Variants in RASGRF2 observed in about 807,000 individuals in gnomAD.
RASGRF2 encodes the protein ras-specific guanine nucleotide-releasing factor 2.
RASGRF2 carries 76 observed loss-of-function variants against 151.0 expected under a neutral mutation model. The ratio of observed to expected loss-of-function variants is 0.50; its 90% CI spans 0.42 to 0.61. The LOEUF is 0.61. Among genes scored for constraint, RASGRF2 ranks in the 20% least tolerant of loss-of-function variants. RASGRF2 has a pLI of 0.00. For synonymous variants in RASGRF2, 504 were observed against 566.5 expected, an observed-to-expected ratio of 0.89 and a Z score of 1.57; for missense variants, 1,148 against 1,564.6, an observed-to-expected ratio of 0.73 and a Z score of 4.49.
chr5:81,164,519 A>G (rs1754462185), intron 17 of RASGRF2, among the ~76,000 whole-genome samples: 1 of 151,820 alleles, frequency 6.6e-6, no homozygotes, highest in South Asian at 2.1e-4. Flanking sequence ...TATTTATATT[A>G]ACCAAATATT....
intron 2 of RASGRF2, among the ~76,000 whole-genome samples, chr5:81,044,639 A>T (rs1750780754): frequency 6.6e-6 from 1 of 152,100 alleles, no homozygotes; most frequent in Non-Finnish European, 1.5e-5. Flanking sequence ...AGCTAATAGG[A>T]TATTATTATC....
In RASGRF2 at chr5:81,208,448, C is replaced by T. The variant is rs768751986; in HGVS notation, c.3156+10C>T. 1.3e-5 allele frequency: 20 copies of T among 1,594,834 alleles called. No individual in the cohort carries two copies. Among genetic ancestry groups the T allele is most frequent in the South Asian group, 7.7e-5 (7 of 90,788 alleles). ...CCAACACTTCAATGACGTGAGTAACCGTAACAGTAAAACCGTGGGCGTGTC... is the reference window on the plus strand; with the variant it reads ...CCAACACTTCAATGACGTGAGTAACTGTAACAGTAAAACCGTGGGCGTGTC... On this transcript the variant is annotated intron_variant, in intron 22 of 26. Transcript: ENST00000265080.
intron 17 of RASGRF2, among the ~76,000 whole-genome samples, chr5:81,152,912 A>G (rs1754170415): frequency 6.6e-6 from 1 of 152,174 alleles, no homozygotes; most frequent in Admixed American, 6.5e-5. Context: ...GATTTGGAGC[A>G]CAGTAGAATG....
rs574923662 is a variant in RASGRF2 at position 80,995,716 on chromosome 5, G to C, written c.288+34690G>C. Among the ~76,000 whole-genome samples, 80 of 88,970 alleles carry C rather than the reference G, an allele frequency of 9.0e-4. 1 individual carries two copies. The highest frequency in any genetic ancestry group is 0.014 in the Middle Eastern group (1 of 74). 58.4% of individuals were successfully genotyped at this position (88,970 alleles called of 152,430 possible). On this transcript the variant is annotated intron_variant, in intron 1 of 26. Coordinates refer to ENST00000265080, the MANE Select transcript of RASGRF2 (RefSeq NM_006909.3). ...CCCTTTTTTTTTTTTTTTTTGAGAT[G>C]GAGTCTCCGTCTGTCGCCCAGGCTG... is the stretch of plus-strand genomic sequence containing the variant.
intron 1 of RASGRF2, among the ~76,000 whole-genome samples, chr5:81,010,215 T>G (rs1218855172): frequency 6.6e-6 from 1 of 152,012 alleles, no homozygotes; most frequent in Non-Finnish European, 1.5e-5. Flanking sequence ...TAACAGTGGT[T>G]GTCTTTGGAT....
chr5:81,119,595 C>T lies in RASGRF2; in HGVS notation c.2471-4047C>T, dbSNP rs922624242. Among the ~76,000 whole-genome samples, 61 of 152,184 alleles carry T rather than the reference C, an allele frequency of 4.0e-4. 1 individual carries two copies. Among genetic ancestry groups the T allele is most frequent in the Admixed American group, 3.9e-4 (6 of 15,284 alleles). On this transcript the variant is annotated intron_variant, in intron 15 of 26. Transcript: ENST00000265080. ...GCTGGATCAAGCTCTTAGGGAAGGACACTGACACAGGCTTCGAAGACCTGT... is the reference window on the plus strand; with the variant it reads ...GCTGGATCAAGCTCTTAGGGAAGGATACTGACACAGGCTTCGAAGACCTGT...
chr5:81,003,322 A>G (rs770778037), intron 1 of RASGRF2, among the ~76,000 whole-genome samples: 4 of 147,460 alleles, frequency 2.7e-5, no homozygotes, highest in Non-Finnish European at 5.9e-5. Flanking sequence ...TCCCGGGTTC[A>G]CGCCATTGTC....
chr5:81,131,926 T>G (rs1168690439), intron 17 of RASGRF2, among the ~76,000 whole-genome samples: 1 of 152,348 alleles, frequency 6.6e-6, no homozygotes, highest in East Asian at 1.9e-4. Flanking sequence ...GTGCTTTCAC[T>G]ATTACTTCTC....
chr5:81,216,160 T>G (rs1452778597), intron 24 of RASGRF2, among the ~76,000 whole-genome samples: 4 of 152,180 alleles, frequency 2.6e-5, no homozygotes, highest in Admixed American at 2.6e-4. Context: ...GATATACTCA[T>G]GGCATGCAGA....
chr5:80,962,040 G>A (rs894766443), intron 1 of RASGRF2, among the ~76,000 whole-genome samples: 2 of 152,162 alleles, frequency 1.3e-5, no homozygotes, highest in South Asian at 4.1e-4. Context: ...AGCATCTACC[G>A]CACACCACAG....
At chr5:81,015,633 G>T (rs1345940896) in intron 1 of RASGRF2, among the ~76,000 whole-genome samples, 1 of 151,658 alleles carries the variant, frequency 6.6e-6, no homozygotes, top group Non-Finnish European at 1.5e-5. Flanking sequence ...TATTGATTTT[G>T]AAAACCTCTT....
chr5:80,996,514 CT>C (rs1748875740), intron 1 of RASGRF2, among the ~76,000 whole-genome samples: 2 of 34,732 alleles, frequency 5.8e-5, no homozygotes, highest in Non-Finnish European at 1.1e-4. Context: ...CCTCCTCCTC[CT>C]CCTCCCCCTC....
intron 1 of RASGRF2, among the ~76,000 whole-genome samples, chr5:81,002,461 A>G (rs1749110928): frequency 6.6e-6 from 1 of 152,224 alleles, no homozygotes. Context: ...TAGCCAAGGA[A>G]CATCTGGACA....
intron 25 of RASGRF2, 56 bp downstream of exon 25, chr5:81,217,529 G>C: frequency 9.2e-7 from 1 of 1,083,950 alleles, no homozygotes; most frequent in Non-Finnish European, 1.2e-6. Context: ...TTATAGAGAA[G>C]AGGCTAAGTA....
chr5:81,082,836 T>C (rs1488874666), intron 7 of RASGRF2, among the ~76,000 whole-genome samples: 1 of 152,220 alleles, frequency 6.6e-6, no homozygotes, highest in East Asian at 1.9e-4. Flanking sequence ...ATTGTCCAAC[T>C]GCAAGAAATG....
At chr5:81,218,192 C>T (rs975556782) in intron 25 of RASGRF2, among the ~76,000 whole-genome samples, 4 of 152,124 alleles carry the variant, frequency 2.6e-5, no homozygotes, top group African/African-American at 4.8e-5. Flanking sequence ...TTTAATCTTG[C>T]GGTGGAAGAG....
At chr5:81,034,600 C>T (rs1750398788) in intron 1 of RASGRF2, among the ~76,000 whole-genome samples, 1 of 151,480 alleles carries the variant, frequency 6.6e-6, no homozygotes, top group South Asian at 2.1e-4. Context: ...ACATATACAC[C>T]ATGGAATACT....
intron 1 of RASGRF2, among the ~76,000 whole-genome samples, chr5:81,001,002 A>G (rs1749062653): frequency 6.6e-6 from 1 of 152,260 alleles, no homozygotes; most frequent in African/African-American, 2.4e-5. Flanking sequence ...AATGATTAAT[A>G]TATTTCCTCA....
At chr5:81,097,531 G>A (rs1752581129) in intron 12 of RASGRF2, among the ~76,000 whole-genome samples, 1 of 152,162 alleles carries the variant, frequency 6.6e-6, no homozygotes, top group Non-Finnish European at 1.5e-5. Flanking sequence ...ATATTAGAAG[G>A]TAATAGGGCA....
Sources: gnomAD v4.1 joint callset for allele counts (sites outside exome capture counted in the v4.1 genomes callset) on GRCh38, gnomAD v4.1.1 for gene constraint, MANE v1.5 for transcripts, NCBI Gene and HGNC (gene_info 2026-07-23, HGNC 2026-07-21) for gene names.